GRM6: variants seen among roughly 807,000 people sequenced by gnomAD.
GRM6 encodes the protein metabotropic glutamate receptor 6.
Under a neutral mutation model 78.4 loss-of-function variants are expected in GRM6, and 73 were observed. The ratio of observed to expected loss-of-function variants is 0.93; its 90% CI spans 0.77 to 1.13. The LOEUF (loss-of-function observed/expected upper bound fraction) is 1.13. Among genes scored for constraint, GRM6 ranks in the 50% most tolerant of loss-of-function variants. The pLI is 0.00. For missense variants in GRM6, 1,251 were observed against 1,256.4 expected (o/e 1.00, Z 0.07); for synonymous variants, 580 against 555.0 (o/e 1.05, Z -0.63).
rs1760402932 is a variant in GRM6, at chr5:178,981,905, C to T, written c.2437-51G>A. 3 of 1,110,994 alleles carry T rather than the reference C, an allele frequency of 2.7e-6. No homozygotes were observed. The highest frequency in any genetic ancestry group is 2.8e-6 in the Non-Finnish European group (2 of 721,740). The allele number at this position is 1,110,994 out of a possible 1,614,324, so 68.8% of individuals were successfully genotyped here. A position where few individuals can be genotyped will look rare whatever the true frequency, so the allele number is the denominator to read the frequency against. ...TGGGACTCAGCCCTGCTCTCCCTGC[C>T]CCGCTCCACACAGTCCTCACCACAT... On this transcript the variant is annotated intron_variant, in intron 10 of 10. Transcript: ENST00000517717. The surrounding 1 kb of genome is among the most constrained non-coding windows in gnomAD (Gnocchi z 5.1).
rs559325424 is a variant in GRM6, at chr5:178,992,632, A to C, written c.505-549T>G. On this transcript the variant is annotated intron_variant, in intron 2 of 10. Transcript: ENST00000517717. This position sits in a 1 kb window ranked among gnomAD's most constrained non-coding sequence, Gnocchi z 4.9. The stretch of plus-strand genomic sequence containing the variant: ...TGCATGCATTAGAGTGATTAACAGC[A>C]GAGACCAGAGGCTGAACTGACCGGG... Among the ~76,000 whole-genome samples, 4 of 152,302 alleles carry C rather than the reference A, an allele frequency of 2.6e-5. No individual in the cohort carries two copies. Among genetic ancestry groups the C allele is most frequent in the African/African-American group, 9.6e-5 (4 of 41,562 alleles).
Position 178,991,293 on chromosome 5 carries a change from A to G in GRM6, c.857+131T>C, listed in dbSNP as rs537793381. On this transcript the variant is annotated intron_variant, in intron 4 of 10. Coordinates refer to ENST00000517717, the MANE Select transcript of GRM6 (RefSeq NM_000843.4). This position sits in a 1 kb window ranked among gnomAD's most constrained non-coding sequence, Gnocchi z 5.0. The stretch of plus-strand genomic sequence containing the variant: ...GGGCACCAGACTCAGAGGCAGCAGC[A>G]GGGAAGGTGGGGGGTGCGGGGAGCA... 4.9e-5 allele frequency: 43 copies of G among 885,368 alleles called. No individual in the cohort carries two copies. The African/African-American group carries it at 7.4e-4, about 15-fold the overall frequency. The allele number at this position is 885,368 out of a possible 1,614,324, so 54.8% of individuals were successfully genotyped here.
In GRM6 at chr5:178,991,459, C is replaced by A. The variant is rs769329232; in HGVS notation, c.822G>T (p.Arg274=). Residue 274 remains arginine (R), a synonymous_variant, in exon 4 of 11, where the codon CGG becomes CGT. Coordinates refer to ENST00000517717, the MANE Select transcript of GRM6 (RefSeq NM_000843.4). This position sits in a 1 kb window ranked among gnomAD's most constrained non-coding sequence, Gnocchi z 5.0. ...IRRLMETPNA[R]GIIIFANEDD... is the part of the protein sequence containing the mutation. ...CCTCATTGGCAAAGATGATGATGCC[C>A]CGGGCGTTGGGCGTCTCCATGAGTC... 3.7e-6 allele frequency: 6 copies of A among 1,613,870 alleles called. No individual in the cohort carries two copies. In the African/African-American group the frequency reaches 6.7e-5, roughly 18 times the overall value.
At chr5:178,987,236 C>T in intron 7 of GRM6, 1 of 639,818 alleles carries the variant, frequency 1.6e-6, no homozygotes, top group Non-Finnish European at 2.9e-6. Flanking sequence ...TGGGAAAAGG[C>T]TGCAGCCGCT....
At chr5:178,990,378 C>T (rs997092397) in intron 5 of GRM6, among the ~76,000 whole-genome samples, 2 of 152,264 alleles carry the variant, frequency 1.3e-5, no homozygotes, top group Admixed American at 1.3e-4. Flanking sequence ...AATTCCTCCC[C>T]GTCCAGTGAG....
Position 178,990,568 on chromosome 5 carries a change from G to A in GRM6, c.1012+24C>T, listed in dbSNP as rs774264091. The A allele has an allele frequency of 5.6e-6, 9 of 1,598,978 alleles. No homozygotes were observed. The South Asian group carries it at 9.9e-5, about 18-fold the overall frequency. On this transcript the variant is annotated intron_variant, in intron 5 of 10. Coordinates refer to ENST00000517717, the MANE Select transcript of GRM6 (RefSeq NM_000843.4). ...GGTGCTGGGGAGACGTGTGGGGTGG[G>A]GGATGGAGTGCCCCTGGACTCACCG...
chr5:178,987,915 ATGC>A (rs765300246), intron 7 of GRM6, among the ~76,000 whole-genome samples: 135,657 of 143,800 alleles, frequency 0.94, 64,659 homozygotes, highest in South Asian at 1. Flanking sequence ...ACCCGTCGCC[ATGC>A]CCAGCTAATT....
chr5:178,993,228 G>A (rs1281208908), intron 2 of GRM6, among the ~76,000 whole-genome samples: 2 of 152,188 alleles, frequency 1.3e-5, no homozygotes, highest in Non-Finnish European at 2.9e-5. Context: ...GGCTGAGCTG[G>A]CAGCAGCGGG....
rs577454731 is a variant in GRM6 at position 178,988,670 on chromosome 5, G to A, written c.1354+265C>T. ...GGGGAGTGTGGTGTGACCCACTGGG[G>A]GTTCCTGGCAGAAGGGATCAGAGAA... On this transcript the variant is annotated intron_variant, in intron 7 of 10. Transcript: ENST00000517717. This position sits in a 1 kb window ranked among gnomAD's most constrained non-coding sequence, Gnocchi z 6.0. 1.3e-5 allele frequency among the ~76,000 whole-genome samples: 2 copies of A among 152,278 alleles called. No homozygotes were observed. Among genetic ancestry groups the A allele is most frequent in the Middle Eastern group, 3.4e-3 (1 of 294 alleles).
chr5:178,994,779 C>A lies in GRM6; in HGVS notation c.166G>T (p.Ala56Ser). ...PVHARGAAGR[A>S]CGQLKKEQGV... ...TGCTCCTTCTTCAGCTGCCCGCACGCCCGGCCCGCCGCGCCCCGCGCGTGC... is the reference window on the plus strand; with the variant it reads ...TGCTCCTTCTTCAGCTGCCCGCACGACCGGCCCGCCGCGCCCCGCGCGTGC... The change falls in exon 2 of 11, where the codon GCG (alanine) becomes TCG (serine). Residue 56 changes from alanine (A) to serine (S), a missense_variant. Coordinates refer to ENST00000517717, the MANE Select transcript of GRM6 (RefSeq NM_000843.4). The A allele has an allele frequency of 7.4e-7, 1 of 1,346,978 alleles. No individual in the cohort carries two copies. Among genetic ancestry groups the A allele is most frequent in the Non-Finnish European group, 9.6e-7 (1 of 1,043,020 alleles). The allele number at this position is 1,346,978 out of a possible 1,614,324, so 83.4% of individuals were successfully genotyped here.
chr5:178,987,063 G>A, intron 7 of GRM6, 80 bp from the exon 8 acceptor site: 4 of 1,389,892 alleles, frequency 2.9e-6, no homozygotes, highest in Non-Finnish European at 4.0e-6. Flanking sequence ...GGGACCAGCA[G>A]GAGAAAGGAG....
Position 178,989,296 on chromosome 5 carries a change from G to A in GRM6, c.1122C>T (p.Thr374=). 6.2e-7 allele frequency: 1 copy of A among 1,613,266 alleles called. No homozygotes were observed. Among genetic ancestry groups the A allele is most frequent in the Non-Finnish European group, 8.5e-7 (1 of 1,179,800 alleles). ...NFNCKLTSSG[T]QSDDSTRKCT... ...ATTTGCGGGTGGAATCGTCTGACTG[G>A]GTACCTGAGCTGGTCAGTTTGCAGT... is the stretch of plus-strand genomic sequence containing the variant. The change falls in exon 6 of 11, where the codon ACC becomes ACT. Residue 374 remains threonine, a synonymous_variant. Transcript: ENST00000517717.
chr5:178,994,438 C>A lies in GRM6; in HGVS notation c.504+3G>T. 6.7e-7 allele frequency: 1 copy of A among 1,492,014 alleles called. No homozygotes were observed. Among genetic ancestry groups the A allele is most frequent in the South Asian group, 1.3e-5 (1 of 79,824 alleles). 92.4% of individuals were successfully genotyped at this position (1,492,014 alleles called of 1,614,324 possible). On this transcript the variant is annotated splice_donor_region_variant and intron_variant, in intron 2 of 10. Transcript: ENST00000517717. Reference sequence around the variant, plus strand: ...ACACCGAGCCCGGCCCCGCGGCCCTCACCGCAAACAGGCGCAGCACGTTGG... The same window carrying A: ...ACACCGAGCCCGGCCCCGCGGCCCTAACCGCAAACAGGCGCAGCACGTTGG...
chr5:178,991,335 G>A lies in GRM6; in HGVS notation c.857+89C>T. The A allele has an allele frequency of 8.1e-7, 1 of 1,239,864 alleles. No individual in the cohort carries two copies. 76.8% of individuals were successfully genotyped at this position (1,239,864 alleles called of 1,614,324 possible). On this transcript the variant is annotated intron_variant, in intron 4 of 10. Coordinates refer to ENST00000517717, the MANE Select transcript of GRM6 (RefSeq NM_000843.4). The surrounding 1 kb of genome is among the most constrained non-coding windows in gnomAD (Gnocchi z 5.0). Reference sequence around the variant, plus strand: ...CGGGGAGCAGGGGAAAGGGAGGCAGGGAGAGTGTGTAAGGTGGCGATGTGC... The same window carrying A: ...CGGGGAGCAGGGGAAAGGGAGGCAGAGAGAGTGTGTAAGGTGGCGATGTGC...
At chr5:178,995,181 C>T (rs959021924) in intron 1 of GRM6, 95 bp downstream of exon 1, 8 of 186,250 alleles carry the variant, frequency 4.3e-5, no homozygotes, top group Non-Finnish European at 6.6e-5. Context: ...CCACTGCCTC[C>T]ACCCCTCCAG....
Position 178,992,204 on chromosome 5 carries a change from A to G in GRM6, c.505-121T>C, listed in dbSNP as rs1760691378. ...GGTGTGTGGCATGGACCTGGGACAC[A>G]GATGGGAGATGGAAGGGTTGGGGTG... On this transcript the variant is annotated intron_variant, in intron 2 of 10. Coordinates refer to ENST00000517717, the MANE Select transcript of GRM6 (RefSeq NM_000843.4). This position sits in a 1 kb window ranked among gnomAD's most constrained non-coding sequence, Gnocchi z 4.9. The G allele has an allele frequency of 4.1e-6, 3 of 732,752 alleles. No individual in the cohort carries two copies. Among genetic ancestry groups the G allele is most frequent in the Middle Eastern group, 2.3e-4 (1 of 4,414 alleles). The allele number at this position is 732,752 out of a possible 1,614,324, so 45.4% of individuals were successfully genotyped here.
chr5:178,985,667 C>T lies in GRM6; in HGVS notation c.2124+463G>A, dbSNP rs560593476. 3.2e-4 allele frequency: 129 copies of T among 399,360 alleles called. 1 individual carries two copies. Among genetic ancestry groups the T allele is most frequent in the South Asian group, 2.6e-4 (14 of 54,102 alleles). 24.7% of individuals were successfully genotyped at this position (399,360 alleles called of 1,614,324 possible). A position where few individuals can be genotyped will look rare whatever the true frequency, so the allele number is the denominator to read the frequency against. ...GCAGGGAGCTGAGATAGTGCCACTGCACTCCAGCCTGGGCGACACAGCGAG... is the reference window on the plus strand; with the variant it reads ...GCAGGGAGCTGAGATAGTGCCACTGTACTCCAGCCTGGGCGACACAGCGAG... On this transcript the variant is annotated intron_variant, in intron 9 of 10. Coordinates refer to ENST00000517717, the MANE Select transcript of GRM6 (RefSeq NM_000843.4).
intron 2 of GRM6, among the ~76,000 whole-genome samples, chr5:178,993,145 T>C (rs572706316): frequency 1.3e-5 from 2 of 152,222 alleles, no homozygotes; most frequent in Admixed American, 6.5e-5. Flanking sequence ...TTGCAGCATC[T>C]TGCCTGTGGC....
In GRM6 at chr5:178,981,424, ACCATGGG is replaced by A; in HGVS notation, c.*226_*232del. 2 of 489,276 alleles carry A rather than the reference ACCATGGG, an allele frequency of 4.1e-6. No homozygotes were observed. The highest frequency in any genetic ancestry group is 3.7e-6 in the Non-Finnish European group (1 of 271,794). 30.3% of individuals were successfully genotyped at this position (489,276 alleles called of 1,614,324 possible). On this transcript the variant is annotated 3_prime_UTR_variant, in exon 11 of 11. Coordinates refer to ENST00000517717, the MANE Select transcript of GRM6 (RefSeq NM_000843.4). The surrounding 1 kb of genome is among the most constrained non-coding windows in gnomAD (Gnocchi z 5.1). Reference sequence around the variant, plus strand: ...AGAACCTTCTCGGTGGCTGTTTCCCACCATGGGAAGCGAGTCTGGTCTGTGGTGAGGA... The same window carrying A: ...AGAACCTTCTCGGTGGCTGTTTCCCAAAGCGAGTCTGGTCTGTGGTGAGGA...
Sources: allele counts gnomAD v4.1 joint callset (sites outside exome capture counted in the v4.1 genomes callset), GRCh38; gene constraint gnomAD v4.1.1; non-coding constraint Gnocchi (gnomAD v3.1); transcripts MANE v1.5; gene names NCBI Gene and HGNC (gene_info 2026-07-23, HGNC 2026-07-21).